Variants in DPP6 observed in about 807,000 individuals in gnomAD.
DPP6 encodes the protein A-type potassium channel modulatory protein DPP6.
Under a neutral mutation model 122.6 loss-of-function variants are expected in DPP6, and 69 were observed. The observed-to-expected ratio is 0.56, with a 90% CI of 0.46 to 0.69. The LOEUF (loss-of-function observed/expected upper bound fraction) is 0.69, where lower values mean the gene tolerates loss of function less well. Ranked by LOEUF, DPP6 falls within the 30% of genes least tolerant of loss-of-function variation. The probability of loss-of-function intolerance (pLI) is 0.00; values close to 1 mark genes in which losing one functional copy is unlikely to be tolerated. For synonymous variants in DPP6, 418 were observed against 433.1 expected, an observed-to-expected ratio of 0.97 and a Z score of 0.43; for missense variants, 928 against 1,116.9, an observed-to-expected ratio of 0.83 and a Z score of 2.41.
chr7:154,110,399 C>T (rs541545182), intron 1 of DPP6, among the ~76,000 whole-genome samples: 1 of 152,246 alleles, frequency 6.6e-6, no homozygotes, highest in South Asian at 2.1e-4. Context: ...AGAAGCATCA[C>T]TCTGCTTGGG....
At chr7:154,105,564 A>C (rs1361499717) in intron 1 of DPP6, among the ~76,000 whole-genome samples, 2 of 152,138 alleles carry the variant, frequency 1.3e-5, no homozygotes, top group African/African-American at 2.4e-5. Flanking sequence ...TGCCCACCCA[A>C]ATCTCATCTG....
intron 3 of DPP6, among the ~76,000 whole-genome samples, chr7:154,496,088 T>C (rs1248850611): frequency 6.6e-6 from 1 of 152,230 alleles, no homozygotes; most frequent in Non-Finnish European, 1.5e-5. Flanking sequence ...TAAAGAAGAA[T>C]ATCTTAAGAG....
intron 7 of DPP6, among the ~76,000 whole-genome samples, chr7:154,724,658 C>T (rs1841980915): frequency 6.6e-6 from 1 of 152,120 alleles, no homozygotes; most frequent in South Asian, 2.1e-4. Flanking sequence ...GGCTCCTGGC[C>T]TCCTGAGTAT....
chr7:154,458,129 T>C (rs961650054), intron 2 of DPP6, among the ~76,000 whole-genome samples: 2 of 152,204 alleles, frequency 1.3e-5, no homozygotes, highest in Non-Finnish European at 2.9e-5. Context: ...ACAGATGTGA[T>C]ATGGCTTGGC....
Position 154,893,221 on chromosome 7 carries a change from G to C in DPP6, c.*741G>C. 1 of 278,838 alleles carries C rather than the reference G, an allele frequency of 3.6e-6. No individual in the cohort carries two copies. Among genetic ancestry groups the C allele is most frequent in the South Asian group, 3.3e-5 (1 of 30,520 alleles). The allele number at this position is 278,838 out of a possible 1,614,324, so 17.3% of individuals were successfully genotyped here. On this transcript the variant is annotated 3_prime_UTR_variant, in exon 26 of 26. Coordinates refer to ENST00000377770, the MANE Select transcript of DPP6 (RefSeq NM_130797.4). ...CGCTTGATGAAGAAGCAGATCGGAAGTAACTGCTCCCTCCTCAAGGTTGTC... is the reference window on the plus strand; with the variant it reads ...CGCTTGATGAAGAAGCAGATCGGAACTAACTGCTCCCTCCTCAAGGTTGTC...
intron 1 of DPP6, among the ~76,000 whole-genome samples, chr7:154,065,080 G>A (rs552697323): frequency 2.0e-5 from 3 of 152,132 alleles, no homozygotes; most frequent in Non-Finnish European, 4.4e-5. Flanking sequence ...CTAAATGGGT[G>A]ACTGTTCCTG....
At chr7:154,884,071 T>TGCTCACACACACATGCTCACCC (rs879470606) in intron 21 of DPP6, 2 of 113,240 alleles carry the variant, frequency 1.8e-5, no homozygotes, top group Admixed American at 8.8e-5. Context: ...TGCTCACCCA[T>TGCTCACACACACATGCTCACCC]ACACATGCTC....
intron 1 of DPP6, among the ~76,000 whole-genome samples, chr7:154,345,343 G>A (rs1379777866): frequency 6.6e-6 from 1 of 152,184 alleles, no homozygotes; most frequent in Non-Finnish European, 1.5e-5. Context: ...GACGATTTCA[G>A]CATGGAATTG....
rs917558950 is a variant in DPP6, at chr7:154,576,373, T to C, written c.627+9457T>C. ...AACCACGATGACCTTTCTGTGTAAC[T>C]CAGTGCTCCTGAGTCCCTTCCAAAT... is the stretch of plus-strand genomic sequence containing the variant. On this transcript the variant is annotated intron_variant, in intron 5 of 25. Coordinates refer to ENST00000377770, the MANE Select transcript of DPP6 (RefSeq NM_130797.4). 2.3e-4 allele frequency among the ~76,000 whole-genome samples: 35 copies of C among 152,168 alleles called. No homozygotes were observed. In the East Asian group the frequency reaches 4.3e-3, roughly 19 times the overall value.
At chr7:154,736,576 A>G (rs1842578840) in intron 8 of DPP6, among the ~76,000 whole-genome samples, 1 of 152,198 alleles carries the variant, frequency 6.6e-6, no homozygotes, top group Non-Finnish European at 1.5e-5. Flanking sequence ...GCCAATCCCA[A>G]TTTGTCCAGT....
At position 154,061,953 on chromosome 7, in the gene DPP6, G is replaced by A. The variant is rs865843363; in HGVS notation, c.243+8890G>A. Among the ~76,000 whole-genome samples the A allele has an allele frequency of 1.1e-3, 107 of 101,184 alleles. 17 individuals are homozygous for A. Among genetic ancestry groups the A allele is most frequent in the Admixed American group, 1.8e-3 (17 of 9,712 alleles). The allele number at this position is 101,184 out of a possible 152,430, so 66.4% of individuals were successfully genotyped here. On this transcript the variant is annotated intron_variant, in intron 1 of 25. Coordinates refer to ENST00000377770, the MANE Select transcript of DPP6 (RefSeq NM_130797.4). ...CATCGCAGGAGGGGGAGGCAACCCT[G>A]CGAGGGTGGGGACTGAGAGCTATCC... is the stretch of plus-strand genomic sequence containing the variant.
At chr7:154,759,957 A>G (rs771665836) in intron 8 of DPP6, among the ~76,000 whole-genome samples, 1 of 152,180 alleles carries the variant, frequency 6.6e-6, no homozygotes, top group Non-Finnish European at 1.5e-5. Flanking sequence ...CCCCATCTCT[A>G]CTAAAAATAT....
chr7:154,713,195 G>A (rs994881565), intron 7 of DPP6, among the ~76,000 whole-genome samples: 1 of 152,254 alleles, frequency 6.6e-6, no homozygotes, highest in African/African-American at 2.4e-5. Flanking sequence ...GCCCATGGGG[G>A]CAGCTCTGCC....
chr7:153,769,417 A>G, the DPP6 span, among the ~76,000 whole-genome samples: 2,177 of 151,376 alleles, frequency 0.014, no homozygotes, highest in African/African-American at 0.05. Context: ...GTTTCCAGTG[A>G]AAGTTACTCA....
chr7:154,837,348 GCA>G (rs200380574), intron 16 of DPP6, among the ~76,000 whole-genome samples: 4 of 149,982 alleles, frequency 2.7e-5, no homozygotes, highest in Admixed American at 2.6e-4. Flanking sequence ...ATGCACACAT[GCA>G]CACATGCATG....
intron 1 of DPP6, among the ~76,000 whole-genome samples, chr7:153,921,383 A>T (rs1321260398): frequency 6.6e-6 from 1 of 152,268 alleles, no homozygotes; most frequent in African/African-American, 2.4e-5. Flanking sequence ...ATTTAAAATG[A>T]TGTTATCTTG....
At chr7:154,490,213 G>A (rs936123313) in intron 3 of DPP6, among the ~76,000 whole-genome samples, 1 of 152,216 alleles carries the variant, frequency 6.6e-6, no homozygotes, top group Admixed American at 6.5e-5. Context: ...AAATACAACG[G>A]TACCAATTAA....
intron 1 of DPP6, among the ~76,000 whole-genome samples, chr7:154,314,793 G>A (rs1190217576): frequency 3.3e-5 from 5 of 152,130 alleles, no homozygotes; most frequent in African/African-American, 4.8e-5. Flanking sequence ...TGAAACGTGG[G>A]AAATATAATA....
At chr7:154,524,170 G>C (rs1827221446) in intron 3 of DPP6, among the ~76,000 whole-genome samples, 1 of 152,208 alleles carries the variant, frequency 6.6e-6, no homozygotes, top group Non-Finnish European at 1.5e-5. Context: ...TGATATCATA[G>C]TTATGTTCAG....
Sources: gnomAD v4.1 joint callset for allele counts (sites outside exome capture counted in the v4.1 genomes callset) on GRCh38, gnomAD v4.1.1 for gene constraint, MANE v1.5 for transcripts, NCBI Gene and HGNC (gene_info 2026-07-23, HGNC 2026-07-21) for gene names.